SLC14A2: variants seen among roughly 807,000 people sequenced by gnomAD.
The protein encoded by SLC14A2 is urea transporter 2.
Under a neutral mutation model 104.6 loss-of-function variants are expected in SLC14A2, and 91 were observed. That is an observed-to-expected ratio of 0.87 (90% CI 0.73 to 1.04). The LOEUF is 1.04. Ranked by LOEUF, SLC14A2 falls within the 50% of genes least tolerant of loss-of-function variation. SLC14A2 has a pLI of 0.00. For synonymous variants in SLC14A2, 476 were observed against 466.4 expected (o/e 1.02, Z -0.27); for missense variants, 1,189 against 1,156.0 (o/e 1.03, Z -0.41).
intron 2 of SLC14A2, among the ~76,000 whole-genome samples, chr18:45,599,720 T>C: frequency 6.6e-6 from 1 of 152,190 alleles, no homozygotes; most frequent in South Asian, 2.1e-4. Flanking sequence ...CTGATAAAGA[T>C]ATACCTGAGA....
At chr18:45,383,643 C>A (rs2085862481) in intron 1 of SLC14A2, among the ~76,000 whole-genome samples, 2 of 152,154 alleles carry the variant, frequency 1.3e-5, no homozygotes, top group East Asian at 1.9e-4. Context: ...TGGGGTTCCC[C>A]TCACAGGCCT....
chr18:45,431,210 T>C (rs1436907672), intron 1 of SLC14A2, among the ~76,000 whole-genome samples: 1 of 152,204 alleles, frequency 6.6e-6, no homozygotes, highest in Admixed American at 6.5e-5. Flanking sequence ...GACTCTCTTC[T>C]CAAGGGATTT....
chr18:45,290,371 T>C (rs1178522302), intron 1 of SLC14A2, among the ~76,000 whole-genome samples: 1 of 152,224 alleles, frequency 6.6e-6, no homozygotes, highest in African/African-American at 2.4e-5. Context: ...ACAAACTAGA[T>C]TTCTCCTGAG....
intron 2 of SLC14A2, among the ~76,000 whole-genome samples, chr18:45,581,275 C>T (rs1035272178): frequency 6.6e-6 from 1 of 152,170 alleles, no homozygotes; most frequent in Admixed American, 6.5e-5. Flanking sequence ...GTGCCTTGCA[C>T]AGGGCTGCAG....
chr18:45,465,868 G>A (rs888422939), intron 1 of SLC14A2, among the ~76,000 whole-genome samples: 1 of 151,956 alleles, frequency 6.6e-6, no homozygotes, highest in African/African-American at 2.4e-5. Context: ...ATGGAGAAAA[G>A]TGTCACGTTG....
At chr18:45,238,181 T>C (rs1254646518) in intron 1 of SLC14A2, among the ~76,000 whole-genome samples, 6 of 152,210 alleles carry the variant, frequency 3.9e-5, no homozygotes. Context: ...GTTATGGTCT[T>C]GATTGGGTAG....
intron 1 of SLC14A2, among the ~76,000 whole-genome samples, chr18:45,623,595 G>A (rs941622195): frequency 4.4e-4 from 67 of 152,198 alleles, no homozygotes; most frequent in African/African-American, 1.5e-3. Flanking sequence ...AGAGGTAATA[G>A]CCTAGCGAAA....
Position 45,663,914 on chromosome 18 carries a change from A to C in SLC14A2, c.1474+7A>C. On this transcript the variant is annotated splice_region_variant and intron_variant, in intron 11 of 19. Transcript: ENST00000255226. The stretch of plus-strand genomic sequence containing the variant: ...ATTCGGAGGAGGAGCAAAGGTGTGC[A>C]TGTCCTCCCCCTCACGCTTGGATCC... The C allele has an allele frequency of 6.2e-7, 1 of 1,608,832 alleles. No individual in the cohort carries two copies. The highest frequency in any genetic ancestry group is 8.5e-7 in the Non-Finnish European group (1 of 1,177,562).
chr18:45,255,033 C>T (rs2084462160), intron 1 of SLC14A2, among the ~76,000 whole-genome samples: 1 of 152,168 alleles, frequency 6.6e-6, no homozygotes, highest in South Asian at 2.1e-4. Flanking sequence ...GCTCCCCTAC[C>T]CATCCCCTTT....
chr18:45,312,514 G>A (rs1203247552), intron 1 of SLC14A2, among the ~76,000 whole-genome samples: 1 of 152,106 alleles, frequency 6.6e-6, no homozygotes, highest in Non-Finnish European at 1.5e-5. Context: ...AGAAAACCTA[G>A]CCAAATCATC....
rs536127518 is a variant in SLC14A2, at chr18:45,559,729, C to A, written c.-34-64902C>A. ...TTTCTAAACATGTGGTTATGGTGCT[C>A]TGGTGCCATTGGCTAAACTCAGTAG... On this transcript the variant is annotated intron_variant, in intron 2 of 20. Coordinates refer to the SLC14A2 transcript ENST00000586448. 2.6e-5 allele frequency among the ~76,000 whole-genome samples: 4 copies of A among 152,316 alleles called. No homozygotes were observed. The South Asian group carries it at 8.3e-4, about 32-fold the overall frequency.
At chr18:45,418,762 T>C (rs919897697) in intron 1 of SLC14A2, among the ~76,000 whole-genome samples, 3 of 152,170 alleles carry the variant, frequency 2.0e-5, no homozygotes, top group Non-Finnish European at 4.4e-5. Flanking sequence ...ACGAAGACAT[T>C]TTAGAAGTTG....
intron 1 of SLC14A2, among the ~76,000 whole-genome samples, chr18:45,236,292 T>C (rs1183245638): frequency 1.8e-5 from 1 of 56,782 alleles, no homozygotes; most frequent in African/African-American, 1.0e-4. Context: ...TGTGTATATA[T>C]ACATGTATGT....
chr18:45,671,740 C>T (rs1457884712), intron 16 of SLC14A2, among the ~76,000 whole-genome samples: 3 of 152,204 alleles, frequency 2.0e-5, no homozygotes, highest in Non-Finnish European at 4.4e-5. Context: ...TGCAGGATCT[C>T]CCTCCCCGGC....
chr18:45,168,965 G>A, the SLC14A2 span: 1 of 152,112 alleles, frequency 6.6e-6, no homozygotes, highest in African/African-American at 2.4e-5. Flanking sequence ...ATGATGACAG[G>A]GGTCATGCCT....
chr18:45,356,591 C>T (rs2085556599), intron 1 of SLC14A2, among the ~76,000 whole-genome samples: 1 of 152,130 alleles, frequency 6.6e-6, no homozygotes, highest in Non-Finnish European at 1.5e-5. Context: ...AAGGTCATAG[C>T]TGGAGGAAAG....
chr18:45,340,023 C>A (rs2085377838), intron 1 of SLC14A2, among the ~76,000 whole-genome samples: 1 of 152,226 alleles, frequency 6.6e-6, no homozygotes, highest in Admixed American at 6.5e-5. Flanking sequence ...AGCATAGCCT[C>A]TGCTTACCTG....
chr18:45,639,636 C>A, intron 6 of SLC14A2, 110 bp from the exon 7 acceptor site: 1 of 1,040,492 alleles, frequency 9.6e-7, no homozygotes, highest in Non-Finnish European at 1.4e-6. Context: ...TACAGTCATC[C>A]TCCCGTTCCA....
At chr18:45,454,572 T>C (rs1192600213) in intron 1 of SLC14A2, among the ~76,000 whole-genome samples, 5 of 152,196 alleles carry the variant, frequency 3.3e-5, no homozygotes, top group African/African-American at 1.2e-4. Flanking sequence ...ACATGAAGTC[T>C]TTTCCCATGC....
Sources: gnomAD v4.1 joint callset for allele counts (sites outside exome capture counted in the v4.1 genomes callset) on GRCh38, gnomAD v4.1.1 for gene constraint, MANE v1.5 for transcripts, NCBI Gene and HGNC (gene_info 2026-07-23, HGNC 2026-07-21) for gene names.